RBFOX2: variants seen among roughly 807,000 people sequenced by gnomAD.
RBFOX2 encodes the protein RNA binding fox-1 homolog 2.
A neutral mutation model predicts 49.1 loss-of-function variants in RBFOX2; 10 were observed. The ratio of observed to expected loss-of-function variants is 0.20; its 90% CI spans 0.13 to 0.35. The LOEUF (loss-of-function observed/expected upper bound fraction) is 0.35. Ranked by LOEUF, RBFOX2 falls within the 10% of genes least tolerant of loss-of-function variation. The pLI, the probability that RBFOX2 is intolerant of heterozygous loss-of-function variation, is 1.00. For synonymous variants in RBFOX2, 183 were observed against 187.4 expected, an observed-to-expected ratio of 0.98 and a Z score of 0.19; for missense variants, 323 against 486.9, an observed-to-expected ratio of 0.66 and a Z score of 3.17.
At chr22:35,876,653 T>C (rs530657562) in intron 1 of RBFOX2, among the ~76,000 whole-genome samples, 1 of 151,854 alleles carries the variant, frequency 6.6e-6, no homozygotes, top group East Asian at 1.9e-4. Context: ...AAAAATGCAT[T>C]TTTATTTCAG....
Position 35,858,781 on chromosome 22 carries a change from G to A in RBFOX2, c.-33-48777C>T, listed in dbSNP as rs111586275. Among the ~76,000 whole-genome samples, 245 of 148,432 alleles carry A rather than the reference G, an allele frequency of 1.7e-3. 4 individuals carry two copies. The highest frequency in any genetic ancestry group is 5.9e-3 in the African/African-American group (236 of 40,016). ...GCGGAGGTGGCAGTGAACCGAGATCGTGCCACTGCACTCCAGCCTGGGCAA... is the reference window on the plus strand; with the variant it reads ...GCGGAGGTGGCAGTGAACCGAGATCATGCCACTGCACTCCAGCCTGGGCAA... On this transcript the variant is annotated intron_variant, in intron 1 of 13. Transcript: ENST00000359369.
At chr22:35,923,355 CT>C (rs948130494) in intron 1 of RBFOX2, among the ~76,000 whole-genome samples, 8 of 150,284 alleles carry the variant, frequency 5.3e-5, no homozygotes, top group South Asian at 2.1e-4. Flanking sequence ...TTTCTTTTTC[CT>C]TTTATTTCCC....
At chr22:35,867,547 C>T (rs1473797389) in intron 1 of RBFOX2, among the ~76,000 whole-genome samples, 1 of 152,118 alleles carries the variant, frequency 6.6e-6, no homozygotes, top group African/African-American at 2.4e-5. Flanking sequence ...GCAGAAACCA[C>T]CTTGTAATAG....
chr22:35,963,059 C>CAAAAAAAA (rs34027896), upstream of RBFOX2, among the ~76,000 whole-genome samples: 2 of 33,600 alleles, frequency 6.0e-5, no homozygotes, highest in African/African-American at 2.1e-4. Context: ...AACTCTCCAG[C>CAAAAAAAA]AAAAAAAAAA....
intron 1 of RBFOX2, among the ~76,000 whole-genome samples, chr22:35,853,438 AG>A (rs1196904733): frequency 2.6e-5 from 4 of 152,202 alleles, no homozygotes. Flanking sequence ...GTATGTAATT[AG>A]ACTTTGAAAA....
At chr22:36,012,718 T>C (rs1218288944) in intron 1 of RBFOX2, among the ~76,000 whole-genome samples, 1 of 152,116 alleles carries the variant, frequency 6.6e-6, no homozygotes, top group Non-Finnish European at 1.5e-5. Context: ...AAAAATAGAT[T>C]GTATAAGGGC....
At chr22:35,914,439 A>G (rs2050180295) in intron 1 of RBFOX2, among the ~76,000 whole-genome samples, 1 of 152,238 alleles carries the variant, frequency 6.6e-6, no homozygotes, top group East Asian at 1.9e-4. Context: ...AAGCAAGTCT[A>G]AAAAGAGAAA....
chr22:36,025,532 T>C (rs1046642490), intron 1 of RBFOX2, among the ~76,000 whole-genome samples: 3 of 152,192 alleles, frequency 2.0e-5, no homozygotes, highest in Non-Finnish European at 4.4e-5. Context: ...TTATATCTCT[T>C]AGGGTTAAAA....
intron 1 of RBFOX2, among the ~76,000 whole-genome samples, chr22:35,916,349 T>G (rs183222216): frequency 6.6e-6 from 1 of 152,226 alleles, no homozygotes; most frequent in Non-Finnish European, 1.5e-5. Context: ...TGGCATGATC[T>G]TGGCTCACTA....
At chr22:35,975,136 TTTA>T (rs1187959529) in intron 1 of RBFOX2, among the ~76,000 whole-genome samples, 1 of 152,238 alleles carries the variant, frequency 6.6e-6, no homozygotes, top group Non-Finnish European at 1.5e-5. Context: ...GCCCCAGTTT[TTTA>T]TTGTTAGACT....
At chr22:35,746,486 C>T (rs1281336000) in exon 10 of RBFOX2, 16 of 1,601,642 alleles carry the variant, frequency 1.0e-5, no homozygotes, top group South Asian at 2.2e-5. Context: ...TCACTGTAAG[C>T]GGCTGCAGCG....
chr22:35,819,481 G>C (rs529914385), intron 1 of RBFOX2, among the ~76,000 whole-genome samples: 1 of 152,254 alleles, frequency 6.6e-6, no homozygotes, highest in South Asian at 2.1e-4. Context: ...GCACCTGCCA[G>C]AATGATCTTT....
chr22:35,794,244 C>G (rs1177866612), intron 2 of RBFOX2, among the ~76,000 whole-genome samples: 1 of 151,650 alleles, frequency 6.6e-6, no homozygotes, highest in Non-Finnish European at 1.5e-5. Context: ...CATGGAGAAG[C>G]AGGAAAAAAG....
chr22:35,797,701 A>C (rs958793979), intron 2 of RBFOX2, among the ~76,000 whole-genome samples: 2 of 152,194 alleles, frequency 1.3e-5, no homozygotes, highest in African/African-American at 4.8e-5. Context: ...TGAAAACAGC[A>C]AGAATGTATT....
intron 1 of RBFOX2, among the ~76,000 whole-genome samples, chr22:35,810,460 T>G (rs1475768799): frequency 6.6e-6 from 1 of 151,618 alleles, no homozygotes; most frequent in Non-Finnish European, 1.5e-5. Context: ...AGATGCTGGG[T>G]TATTATCACT....
chr22:35,968,166 T>G (rs1238484264), intron 1 of RBFOX2, among the ~76,000 whole-genome samples: 1 of 152,094 alleles, frequency 6.6e-6, no homozygotes, highest in African/African-American at 2.4e-5. Context: ...GGGTTAGAGA[T>G]CAAATATATC....
At chr22:35,998,136 T>A (rs1417224402) in intron 1 of RBFOX2, 1 of 152,250 alleles carries the variant, frequency 6.6e-6, no homozygotes, top group African/African-American at 2.4e-5. Context: ...ACAGCAAATC[T>A]AGAATTTTAT....
chr22:36,007,444 C>T (rs1258929030), intron 1 of RBFOX2, among the ~76,000 whole-genome samples: 2 of 152,074 alleles, frequency 1.3e-5, no homozygotes, highest in Non-Finnish European at 2.9e-5. Flanking sequence ...CAACTTGACT[C>T]ATTTCTATGA....
At chr22:35,810,190 C>CAG (rs1158183603) in intron 1 of RBFOX2, among the ~76,000 whole-genome samples, 186 bp from the exon 3 acceptor site, 7 of 1,546 alleles carry the variant, frequency 4.5e-3, no homozygotes, top group East Asian at 0.033. Context: ...TGTGGACAGA[C>CAG]ACACACACAC....
Sources: gnomAD v4.1 joint callset for allele counts (sites outside exome capture counted in the v4.1 genomes callset) on GRCh38, gnomAD v4.1.1 for gene constraint, MANE v1.5 for transcripts, NCBI Gene and HGNC (gene_info 2026-07-23, HGNC 2026-07-21) for gene names.